Variants in CCDC88A observed in about 807,000 individuals in gnomAD.
CCDC88A encodes the protein coiled-coil and HOOK domain protein 88A.
CCDC88A carries 54 observed loss-of-function variants against 234.3 expected under a neutral mutation model. That is an observed-to-expected ratio of 0.23 (90% CI 0.19 to 0.29). CCDC88A has a LOEUF of 0.29. Among genes scored for constraint, CCDC88A ranks in the 10% least tolerant of loss-of-function variants. The pLI is 1.00. For synonymous variants in CCDC88A, 753 were observed against 737.8 expected (o/e 1.02, Z -0.33); for missense variants, 1,832 against 2,123.4 (o/e 0.86, Z 2.70).
At chr2:55,337,021 C>A in intron 13 of CCDC88A, 2 of 387,306 alleles carry the variant, frequency 5.2e-6, no homozygotes, top group East Asian at 4.8e-5. Context: ...GATTTCTTAT[C>A]CTTGTGCATC....
At chr2:55,382,570 C>T (rs541210435) in intron 3 of CCDC88A, among the ~76,000 whole-genome samples, 7 of 152,176 alleles carry the variant, frequency 4.6e-5, no homozygotes, top group African/African-American at 1.7e-4. Context: ...ACCATCTCTC[C>T]CTTATTCACA....
chr2:55,386,446 T>TTTTAC (rs1317995401), intron 3 of CCDC88A, among the ~76,000 whole-genome samples: 1 of 140,970 alleles, frequency 7.1e-6, no homozygotes, highest in Non-Finnish European at 1.5e-5. Context: ...TTTTATTTTA[T>TTTTAC]TTTTTGTAGA....
intron 16 of CCDC88A, among the ~76,000 whole-genome samples, chr2:55,331,443 T>A (rs570513075): frequency 9.2e-5 from 14 of 152,188 alleles, no homozygotes; most frequent in South Asian, 2.1e-4. Context: ...GAAAATTACA[T>A]GAACAAATCC....
chr2:55,380,819 G>A (rs1434865000), intron 3 of CCDC88A, among the ~76,000 whole-genome samples: 1 of 152,094 alleles, frequency 6.6e-6, no homozygotes, highest in African/African-American at 2.4e-5. Flanking sequence ...GTTTCACCAT[G>A]TTGGCCAGGC....
At chr2:55,311,804 C>A (rs1342138450) in intron 23 of CCDC88A, among the ~76,000 whole-genome samples, 1 of 152,168 alleles carries the variant, frequency 6.6e-6, no homozygotes, top group South Asian at 2.1e-4. Context: ...ACACAACTTA[C>A]CAATAATTAA....
chr2:55,378,960 G>A (rs1674149140), intron 3 of CCDC88A, among the ~76,000 whole-genome samples: 1 of 151,948 alleles, frequency 6.6e-6, no homozygotes, highest in Admixed American at 6.6e-5. Flanking sequence ...TGGCCAGGCT[G>A]GTCTCAAACT....
At chr2:55,341,937 CA>C (rs531748722) in intron 12 of CCDC88A, among the ~76,000 whole-genome samples, 57 of 152,182 alleles carry the variant, frequency 3.7e-4, no homozygotes, top group African/African-American at 1.4e-3. Context: ...TACCCAGGAG[CA>C]AAACTGCTGA....
At chr2:55,299,697 A>G in intron 29 of CCDC88A, 142 bp downstream of exon 29, 1 of 602,102 alleles carries the variant, frequency 1.7e-6, no homozygotes, top group South Asian at 2.3e-5. Context: ...TACAATGTGA[A>G]AAGTATAAAA....
chr2:55,382,297 G>A (rs1167429385), intron 3 of CCDC88A, among the ~76,000 whole-genome samples: 2 of 152,146 alleles, frequency 1.3e-5, no homozygotes, highest in Non-Finnish European at 2.9e-5. Flanking sequence ...AATGGTACTG[G>A]AATCTGTTCT....
At chr2:55,415,065 CA>C (rs34977470) in intron 2 of CCDC88A, among the ~76,000 whole-genome samples, 182 of 123,026 alleles carry the variant, frequency 1.5e-3, no homozygotes, top group Admixed American at 2.7e-3. Context: ...GACTCTGTTT[CA>C]AAAAAAAAAA....
intron 5 of CCDC88A, among the ~76,000 whole-genome samples, chr2:55,368,866 CT>C (rs1003828350): frequency 2.7e-4 from 41 of 152,258 alleles, no homozygotes; most frequent in African/African-American, 9.9e-4. Flanking sequence ...TCCAACAATA[CT>C]TGTTGGCTGA....
chr2:55,418,012 A>G (rs565274642), intron 2 of CCDC88A: 64 of 152,278 alleles, frequency 4.2e-4, no homozygotes, highest in African/African-American at 1.5e-3. Flanking sequence ...CGTATGCTAC[A>G]ATAGCTGTAA....
Position 55,393,179 on chromosome 2 carries a change from T to C in CCDC88A, c.165-4293A>G, listed in dbSNP as rs188488733. Among the ~76,000 whole-genome samples, 372 of 152,012 alleles carry C rather than the reference T, an allele frequency of 2.4e-3. 1 individual carries two copies. The highest frequency in any genetic ancestry group is 3.4e-3 in the Middle Eastern group (1 of 294). ...ACATATTTAAGTTTTTTTTTCTTAC[T>C]TGGGTAAGAAAGTTTTTGTTGCTTT... On this transcript the variant is annotated intron_variant, in intron 2 of 32. Coordinates refer to ENST00000436346, the MANE Select transcript of CCDC88A (RefSeq NM_001365480.1).
chr2:55,367,955 T>G (rs1454616348), intron 5 of CCDC88A, among the ~76,000 whole-genome samples: 1 of 152,184 alleles, frequency 6.6e-6, no homozygotes, highest in Non-Finnish European at 1.5e-5. Flanking sequence ...TGATAGGTAT[T>G]ATGTAGGTTT....
chr2:55,362,419 G>T lies in CCDC88A; in HGVS notation c.516C>A (p.Asp172Glu), dbSNP rs1486927771. The T allele has an allele frequency of 6.2e-7, 1 of 1,602,980 alleles. No homozygotes were observed. Among genetic ancestry groups the T allele is most frequent in the Non-Finnish European group, 8.5e-7 (1 of 1,176,508 alleles). Residue 172 changes from aspartate to glutamate, a missense_variant, in exon 7 of 33, where the codon GAC becomes GAA. Transcript: ENST00000436346. ...EVTHNQENVF[D>E]LQWMEVTDMS... ...TATCAGTCACTTCCATCCATTGCAG[G>T]TCAAACACATTTTCCTGATTATGAG...
rs563683264 is a variant in CCDC88A at position 55,334,020 on chromosome 2, C to G, written c.2727+74G>C. On this transcript the variant is annotated intron_variant, in intron 15 of 32. Transcript: ENST00000436346. The surrounding 1 kb of genome is among the most constrained non-coding windows in gnomAD (Gnocchi z 6.1). Reference sequence around the variant, plus strand: ...AAATGATGCAAATTACTGATAGATTCCAATAAAACTTAAAGAAACCTTGAG... The same window carrying G: ...AAATGATGCAAATTACTGATAGATTGCAATAAAACTTAAAGAAACCTTGAG... The G allele has an allele frequency of 1.2e-4, 61 of 491,050 alleles. No individual in the cohort carries two copies. The highest frequency in any genetic ancestry group is 1.6e-4 in the Non-Finnish European group (48 of 296,064). The allele number at this position is 491,050 out of a possible 1,614,324, so 30.4% of individuals were successfully genotyped here.
intron 3 of CCDC88A, among the ~76,000 whole-genome samples, chr2:55,380,626 AT>A (rs1401902978): frequency 6.6e-6 from 1 of 151,696 alleles, no homozygotes; most frequent in Non-Finnish European, 1.5e-5. Context: ...TTTTTTCTTT[AT>A]TTTTTTGAGA....
intron 1 of CCDC88A, 47 bp from the exon 2 acceptor site, chr2:55,418,963 C>A: frequency 1.3e-6 from 2 of 1,596,176 alleles, no homozygotes; most frequent in South Asian, 2.2e-5. Context: ...CCACCTCCAT[C>A]TCTGCAGCCA....
chr2:55,386,124 G>C (rs1675575407), intron 3 of CCDC88A, among the ~76,000 whole-genome samples: 1 of 151,884 alleles, frequency 6.6e-6, no homozygotes, highest in African/African-American at 2.4e-5. Context: ...TCAGGAGGCT[G>C]AGACAGGAGA....
Sources: allele counts gnomAD v4.1 joint callset (sites outside exome capture counted in the v4.1 genomes callset), GRCh38; gene constraint gnomAD v4.1.1; non-coding constraint Gnocchi (gnomAD v3.1); transcripts MANE v1.5; gene names NCBI Gene and HGNC (gene_info 2026-07-23, HGNC 2026-07-21).